The following C12orf75 variants were observed in gnomAD, a reference collection of about 807,000 sequenced individuals.
C12orf75 encodes the protein overexpressed in colon carcinoma 1 protein.
Under a neutral mutation model 11.4 loss-of-function variants are expected in C12orf75, and 4 were observed. The ratio of observed to expected loss-of-function variants is 0.35; its 90% CI spans 0.17 to 0.80. The LOEUF is 0.80. C12orf75 is among the 30% of genes least tolerant of loss of function. C12orf75 has a pLI of 0.52. For missense variants in C12orf75, 89 were observed against 80.4 expected (o/e 1.11, Z -0.41); for synonymous variants, 30 against 30.0 (o/e 1.00, Z 0.00).
intron 5 of C12orf75, among the ~76,000 whole-genome samples, chr12:105,368,547 C>CA (rs1871547687): frequency 6.6e-6 from 1 of 152,222 alleles, no homozygotes; most frequent in Non-Finnish European, 1.5e-5. Flanking sequence ...TCATCATCGT[C>CA]ATCACCACCA....
intron 1 of C12orf75, among the ~76,000 whole-genome samples, chr12:105,339,608 T>C (rs892275752): frequency 6.6e-6 from 1 of 151,882 alleles, no homozygotes; most frequent in Non-Finnish European, 1.5e-5. Context: ...ATATGACCTT[T>C]TCTTTCTTTC....
At chr12:105,368,386 G>C in intron 5 of C12orf75, among the ~76,000 whole-genome samples, 1 of 152,164 alleles carries the variant, frequency 6.6e-6, no homozygotes, top group East Asian at 1.9e-4. Flanking sequence ...AAGTCAGGTT[G>C]CCTTGGTTAT....
At chr12:105,346,779 A>G (rs1348680687) in intron 1 of C12orf75, among the ~76,000 whole-genome samples, 1 of 152,196 alleles carries the variant, frequency 6.6e-6, no homozygotes, top group Non-Finnish European at 1.5e-5. Flanking sequence ...TGTTCTTGCA[A>G]TTTGGCAATA....
In C12orf75 at chr12:105,366,648, TC is replaced by T; in HGVS notation, c.140del (p.Ser47LeufsTer21). On this transcript the variant is annotated frameshift_variant, in exon 4 of 6. Transcript: ENST00000443585. LOFTEE classifies it high-confidence loss of function. ...NYGGVYVGLP[S>X]EAVNMVSSQT... is the part of the protein sequence containing the mutation. Reference sequence around the variant, plus strand: ...TGGAGGAGTATATGTTGGCCTACCATCTGAAGCTGTCAATATGGTGTCCAGT... The same window carrying T: ...TGGAGGAGTATATGTTGGCCTACCATTGAAGCTGTCAATATGGTGTCCAGT... The T allele has an allele frequency of 6.5e-7, 1 of 1,544,358 alleles. No individual in the cohort carries two copies. Among genetic ancestry groups the T allele is most frequent in the Non-Finnish European group, 8.8e-7 (1 of 1,140,758 alleles).
chr12:105,349,740 G>T (rs917074267), intron 2 of C12orf75, among the ~76,000 whole-genome samples: 1 of 152,112 alleles, frequency 6.6e-6, no homozygotes, highest in African/African-American at 2.4e-5. Flanking sequence ...AGCCAGGCAT[G>T]GTGGTGGGCC....
At chr12:105,360,995 C>T (rs531722579) in intron 2 of C12orf75, among the ~76,000 whole-genome samples, 8 of 152,204 alleles carry the variant, frequency 5.3e-5, no homozygotes, top group African/African-American at 1.7e-4. Context: ...AGGCTGGTCT[C>T]GAACTCCTGA....
intron 2 of C12orf75, among the ~76,000 whole-genome samples, chr12:105,358,038 G>A (rs560628132): frequency 1.3e-5 from 2 of 152,140 alleles, no homozygotes; most frequent in South Asian, 4.2e-4. Flanking sequence ...TGAAGAAACA[G>A]GGTCTCCCTT....
In C12orf75 at chr12:105,330,775, G is replaced by A; in HGVS notation, c.-117G>A. ...AGGGGGCGGCCCCCACTCGGTTCCT[G>A]GCCCCTCGCGGCCCCGTCAGCCTCC... On this transcript the variant is annotated 5_prime_UTR_variant, in exon 1 of 6. Coordinates refer to ENST00000443585, the MANE Select transcript of C12orf75 (RefSeq NM_001145199.2). 1 of 1,063,330 alleles carries A rather than the reference G, an allele frequency of 9.4e-7. No homozygotes were observed. 65.9% of individuals were successfully genotyped at this position (1,063,330 alleles called of 1,614,324 possible).
chr12:105,332,927 A>C (rs1463275540), intron 1 of C12orf75, among the ~76,000 whole-genome samples: 4 of 141,290 alleles, frequency 2.8e-5, no homozygotes, highest in African/African-American at 1.0e-4. Flanking sequence ...GGGAAGTCAT[A>C]TTGAAAAAAA....
At chr12:105,351,517 G>A (rs1031517756) in intron 2 of C12orf75, among the ~76,000 whole-genome samples, 3 of 152,180 alleles carry the variant, frequency 2.0e-5, no homozygotes, top group Non-Finnish European at 2.9e-5. Flanking sequence ...ATAAAATGAT[G>A]TATCTGTCCT....
intron 2 of C12orf75, among the ~76,000 whole-genome samples, chr12:105,353,315 C>G (rs1267257817): frequency 6.6e-6 from 1 of 152,166 alleles, no homozygotes; most frequent in Non-Finnish European, 1.5e-5. Flanking sequence ...TTCCTAATTC[C>G]TGTGGAAAAA....
chr12:105,364,297 C>T (rs61939076), intron 2 of C12orf75, among the ~76,000 whole-genome samples: 2,825 of 152,240 alleles, frequency 0.019, 40 homozygotes, highest in Non-Finnish European at 0.031. Context: ...AAGCATAACA[C>T]CATTAGTATG....
intron 1 of C12orf75, among the ~76,000 whole-genome samples, chr12:105,331,237 TCC>T (rs1362863549): frequency 2.0e-5 from 3 of 151,696 alleles, no homozygotes; most frequent in Non-Finnish European, 2.9e-5. Context: ...CTCAGGGCTC[TCC>T]TGGGGGAGAG....
At chr12:105,357,066 A>T (rs968387553) in intron 2 of C12orf75, among the ~76,000 whole-genome samples, 5 of 152,168 alleles carry the variant, frequency 3.3e-5, no homozygotes, top group Admixed American at 3.3e-4. Context: ...ACCTTCCAGA[A>T]CCCCGACCTA....
rs142018451 is a variant in C12orf75, at chr12:105,371,392, G to C, written c.*792G>C. ...TTTCTATAACTTTTCAAGGACTTGC[G>C]ATGGATGGTTAGTGGGATATCTGGA... On this transcript the variant is annotated 3_prime_UTR_variant, in exon 6 of 6. Transcript: ENST00000443585. 3 of 152,268 alleles carry C rather than the reference G, an allele frequency of 2.0e-5. No homozygotes were observed. Among genetic ancestry groups the C allele is most frequent in the African/African-American group, 7.2e-5 (3 of 41,556 alleles). The allele number at this position is 152,268 out of a possible 1,614,324, so 9.4% of individuals were successfully genotyped here.
chr12:105,358,296 A>C lies in C12orf75; in HGVS notation c.72-7511A>C, dbSNP rs548442382. ...CTCAGGAGGCTAAGGTGGGAGGATC[A>C]CTTGAGCTGAGGAGTTCGAGACCAG... On this transcript the variant is annotated intron_variant, in intron 2 of 5. Coordinates refer to ENST00000443585, the MANE Select transcript of C12orf75 (RefSeq NM_001145199.2). 4.6e-5 allele frequency among the ~76,000 whole-genome samples: 7 copies of C among 152,322 alleles called. No homozygotes were observed. In the South Asian group the frequency reaches 1.4e-3, roughly 32 times the overall value.
At chr12:105,370,512 A>G (rs1282630603) in intron 5 of C12orf75, 122 bp from the exon 6 acceptor site, 1 of 443,140 alleles carries the variant, frequency 2.3e-6, no homozygotes, top group African/African-American at 2.0e-5. Flanking sequence ...TATTGGGTGA[A>G]TATTAAATAG....
chr12:105,349,459 T>A (rs755584358), intron 2 of C12orf75, among the ~76,000 whole-genome samples: 4 of 152,206 alleles, frequency 2.6e-5, no homozygotes, highest in Non-Finnish European at 5.9e-5. Context: ...AGGCTACTTA[T>A]GAATGGGCAG....
intron 1 of C12orf75, among the ~76,000 whole-genome samples, chr12:105,347,635 C>T (rs1420642394): frequency 1.3e-5 from 2 of 152,218 alleles, no homozygotes; most frequent in Non-Finnish European, 2.9e-5. Flanking sequence ...ATGGGGCCCA[C>T]CCAGATTAAG....
Sources: allele counts gnomAD v4.1 joint callset (sites outside exome capture counted in the v4.1 genomes callset), GRCh38; gene constraint gnomAD v4.1.1; transcripts MANE v1.5; gene names NCBI Gene and HGNC (gene_info 2026-07-23, HGNC 2026-07-21).